The following DLC1 variants were observed in gnomAD, a reference collection of about 807,000 sequenced individuals.
The protein encoded by DLC1 is rho GTPase-activating protein 7.
Under a neutral mutation model 140.3 loss-of-function variants are expected in DLC1, and 54 were observed. The ratio of observed to expected loss-of-function variants is 0.38; its 90% confidence interval spans 0.31 to 0.48. The LOEUF (loss-of-function observed/expected upper bound fraction) is 0.48, where lower values mean the gene tolerates loss of function less well. Ranked by LOEUF, DLC1 falls within the 20% of genes least tolerant of loss-of-function variation. The probability of loss-of-function intolerance (pLI) is 0.96; values close to 1 mark genes in which losing one functional copy is unlikely to be tolerated. For synonymous variants in DLC1, 986 were observed against 728.1 expected (o/e 1.35, Z -5.70); for missense variants, 2,536 against 1,907.0 (o/e 1.33, Z -6.14).
chr8:13,478,135 A>G (rs979568778), intron 2 of DLC1, among the ~76,000 whole-genome samples: 5 of 152,208 alleles, frequency 3.3e-5, no homozygotes, highest in African/African-American at 1.2e-4. Flanking sequence ...ATGGTTCTGC[A>G]GGTTATACAG....
intron 2 of DLC1, among the ~76,000 whole-genome samples, chr8:13,459,776 A>T (rs926654160): frequency 1.1e-4 from 16 of 152,242 alleles, no homozygotes; most frequent in African/African-American, 3.9e-4. Flanking sequence ...AATGTTATGG[A>T]AAAACTGCTT....
At chr8:13,353,118 A>G (rs1314081449) in intron 4 of DLC1, among the ~76,000 whole-genome samples, 1 of 152,198 alleles carries the variant, frequency 6.6e-6, no homozygotes, top group Admixed American at 6.5e-5. Context: ...GGTGGCTGAA[A>G]GGTGGCTATA....
Position 13,085,646 on chromosome 8 carries a change from A to G in DLC1, c.*165T>C, listed in dbSNP as rs1187465440. ...CTATGAATACAGACCCTCAACAAAC[A>G]GGAAGCAGCTTTAAAAATGTATCAA... On this transcript the variant is annotated 3_prime_UTR_variant, in exon 18 of 18. Transcript: ENST00000276297. 2.1e-5 allele frequency: 22 copies of G among 1,062,578 alleles called. No individual in the cohort carries two copies. The highest frequency in any genetic ancestry group is 2.6e-5 in the Non-Finnish European group (20 of 764,318). 65.8% of individuals were successfully genotyped at this position (1,062,578 alleles called of 1,614,324 possible).
intron 5 of DLC1, among the ~76,000 whole-genome samples, chr8:13,191,896 A>G (rs1460393883): frequency 6.6e-6 from 1 of 151,278 alleles, no homozygotes; most frequent in African/African-American, 2.4e-5. Context: ...CTCCTTTTCT[A>G]TTAAAACTCT....
intron 1 of DLC1, among the ~76,000 whole-genome samples, chr8:13,531,931 T>C (rs76936305): frequency 6.6e-6 from 1 of 152,330 alleles, no homozygotes; most frequent in Non-Finnish European, 1.5e-5. Context: ...CTTACAGAAC[T>C]TTAACTTGCT....
intron 2 of DLC1, among the ~76,000 whole-genome samples, chr8:13,462,958 A>G (rs546368403): frequency 6.6e-6 from 1 of 152,302 alleles, no homozygotes; most frequent in East Asian, 1.9e-4. Context: ...AGCACAAAGA[A>G]TAAAAATAAA....
intron 5 of DLC1, among the ~76,000 whole-genome samples, chr8:13,244,958 A>C (rs1829702956): frequency 6.6e-6 from 1 of 152,250 alleles, no homozygotes; most frequent in Admixed American, 6.5e-5. Flanking sequence ...TCTAGAACAA[A>C]TGCTGGAAAT....
At chr8:13,592,658 C>A (rs1373311643) in intron 1 of DLC1, among the ~76,000 whole-genome samples, 1 of 151,990 alleles carries the variant, frequency 6.6e-6, no homozygotes, top group Non-Finnish European at 1.5e-5. Flanking sequence ...GCCAAGGTTT[C>A]CCCAGTAAGA....
At chr8:13,473,400 C>G (rs1800299648) in intron 2 of DLC1, among the ~76,000 whole-genome samples, 1 of 152,174 alleles carries the variant, frequency 6.6e-6, no homozygotes, top group South Asian at 2.1e-4. Context: ...CCTGCACAGG[C>G]TCTCTTGTTT....
chr8:13,394,671 C>T (rs976716347), intron 3 of DLC1, among the ~76,000 whole-genome samples: 10 of 152,192 alleles, frequency 6.6e-5, no homozygotes, highest in Admixed American at 2.6e-4. Context: ...TCAACTTTGC[C>T]GTGGTTCACA....
chr8:13,595,212 A>C (rs1805645363), intron 1 of DLC1, among the ~76,000 whole-genome samples: 1 of 152,078 alleles, frequency 6.6e-6, no homozygotes, highest in Admixed American at 6.6e-5. Context: ...TGAAAGGCAC[A>C]TTTAATTTTT....
intron 5 of DLC1, among the ~76,000 whole-genome samples, chr8:13,192,759 G>C (rs750243880): frequency 6.6e-6 from 1 of 152,188 alleles, no homozygotes; most frequent in South Asian, 2.1e-4. Flanking sequence ...GGTCTCATAA[G>C]AAGAGGAAGA....
intron 2 of DLC1, among the ~76,000 whole-genome samples, chr8:13,430,959 C>T (rs564361930): frequency 1.3e-5 from 2 of 152,148 alleles, no homozygotes; most frequent in African/African-American, 4.8e-5. Context: ...CCTATGAAGT[C>T]GCATGAAACA....
At chr8:13,395,703 G>T (rs777076147) in intron 3 of DLC1, among the ~76,000 whole-genome samples, 1 of 152,080 alleles carries the variant, frequency 6.6e-6, no homozygotes, top group Non-Finnish European at 1.5e-5. Context: ...GGGTACAAAA[G>T]ACATACGCAG....
chr8:13,099,588 G>T lies in DLC1; in HGVS notation c.2749C>A (p.Gln917Lys), dbSNP rs1271388788. The change falls in exon 9 of 18, where the codon CAG (glutamine) becomes AAG (lysine). Residue 917 changes from glutamine (Q) to lysine (K), a missense_variant. Transcript: ENST00000276297. ...DDILYHVKGM[Q>K]RIVNQWSEKF... ...TCCGACCACTGATTGACTATCCGCT[G>T]CATCCCCTTCACGTGGTAGAGGATG... 1 of 1,614,192 alleles carries T rather than the reference G, an allele frequency of 6.2e-7. No individual in the cohort carries two copies. Among genetic ancestry groups the T allele is most frequent in the Non-Finnish European group, 8.5e-7 (1 of 1,180,038 alleles).
At chr8:13,589,516 G>A (rs1105406) in intron 1 of DLC1, among the ~76,000 whole-genome samples, 51,031 of 151,840 alleles carry the variant, frequency 0.34, 9,556 homozygotes, top group South Asian at 0.53. Flanking sequence ...ATTTTGCAAC[G>A]CAGAATCCAC....
intron 4 of DLC1, among the ~76,000 whole-genome samples, chr8:13,317,139 GT>G (rs1320171637): frequency 2.0e-5 from 3 of 152,178 alleles, no homozygotes; most frequent in African/African-American, 7.2e-5. Flanking sequence ...GTGAGATGCA[GT>G]TTGTAGCACT....
chr8:13,146,345 TA>T (rs1823438377), intron 5 of DLC1, among the ~76,000 whole-genome samples: 1 of 152,078 alleles, frequency 6.6e-6, no homozygotes. Context: ...GCTTATGTTT[TA>T]AAAGGACTCT....
chr8:13,401,611 T>G lies in DLC1; in HGVS notation c.1032A>C (p.Arg344Ser), dbSNP rs1037905249. 3.7e-6 allele frequency: 6 copies of G among 1,612,722 alleles called. 1 individual carries two copies. The highest frequency in any genetic ancestry group is 1.1e-5 in the South Asian group (1 of 90,838). ...QVRLRKRKEIREDRDRARLDS... is the reference protein window; with the variant it reads ...QVRLRKRKEISEDRDRARLDS... ...CCAGCCGCGCCCTATCTCGATCTTCTCTTATTTCCTGAGGAACAGAACATT... is the reference window on the plus strand; with the variant it reads ...CCAGCCGCGCCCTATCTCGATCTTCGCTTATTTCCTGAGGAACAGAACATT... The change falls in exon 3 of 18, where the codon AGA becomes AGC. Residue 344 changes from arginine (R) to serine (S), a missense_variant. Coordinates refer to ENST00000276297, the MANE Select transcript of DLC1 (RefSeq NM_182643.3).
Sources: gnomAD v4.1 joint callset for allele counts (sites outside exome capture counted in the v4.1 genomes callset) on GRCh38, gnomAD v4.1.1 for gene constraint, MANE v1.5 for transcripts, NCBI Gene and HGNC (gene_info 2026-07-23, HGNC 2026-07-21) for gene names.